The following PTPRA variants were observed in gnomAD, a reference collection of about 807,000 sequenced individuals.
PTPRA encodes receptor-type tyrosine-protein phosphatase alpha.
In PTPRA, 25 loss-of-function variants were observed where a neutral mutation model predicts 104.8. The ratio of observed to expected loss-of-function variants is 0.24; its 90% CI spans 0.17 to 0.33. The LOEUF (loss-of-function observed/expected upper bound fraction) is 0.33. Ranked by LOEUF, PTPRA falls within the 10% of genes least tolerant of loss-of-function variation. The pLI is 1.00. For missense variants in PTPRA, 765 were observed against 1,015.3 expected (o/e 0.75, Z 3.35); for synonymous variants, 323 against 368.9 (o/e 0.88, Z 1.43).
At chr20:3,013,724 A>G (rs551633805) in intron 11 of PTPRA, among the ~76,000 whole-genome samples, 2 of 152,130 alleles carry the variant, frequency 1.3e-5, no homozygotes, top group South Asian at 2.1e-4. Context: ...AATATATAGG[A>G]TCTTTAGACG....
chr20:2,981,482 G>A (rs1600208801), intron 6 of PTPRA, among the ~76,000 whole-genome samples: 2 of 152,070 alleles, frequency 1.3e-5, no homozygotes, highest in Admixed American at 1.3e-4. Flanking sequence ...TAGAGGCTAG[G>A]GATATTGTTA....
intron 1 of PTPRA, among the ~76,000 whole-genome samples, chr20:2,909,971 T>TA (rs2059588845): frequency 8.4e-6 from 1 of 119,502 alleles, no homozygotes; most frequent in African/African-American, 3.4e-5. Flanking sequence ...ATGATATATA[T>TA]ATAATCTATC....
chr20:3,001,093 G>C (rs543274706), intron 9 of PTPRA, among the ~76,000 whole-genome samples: 2 of 152,128 alleles, frequency 1.3e-5, no homozygotes, highest in African/African-American at 2.4e-5. Flanking sequence ...AACGGTCTTC[G>C]ATGCCACCTA....
intron 6 of PTPRA, among the ~76,000 whole-genome samples, chr20:2,977,844 T>C (rs1395753036): frequency 6.6e-6 from 1 of 151,984 alleles, no homozygotes; most frequent in Non-Finnish European, 1.5e-5. Context: ...GAAGGAAATA[T>C]GTGAACATCA....
At chr20:2,877,738 C>G (rs1196318630) in intron 1 of PTPRA, among the ~76,000 whole-genome samples, 1 of 152,140 alleles carries the variant, frequency 6.6e-6, no homozygotes, top group African/African-American at 2.4e-5. Flanking sequence ...AAATTCACAT[C>G]CATTTGTGTC....
intron 2 of PTPRA, among the ~76,000 whole-genome samples, chr20:2,924,455 C>T (rs867951324): frequency 1.3e-5 from 2 of 151,940 alleles, no homozygotes; most frequent in Admixed American, 6.6e-5. Flanking sequence ...GAATTTTATT[C>T]AGTAATAGAA....
upstream of PTPRA, chr20:2,873,362 G>A (rs6051454): frequency 1.3e-5 from 2 of 152,306 alleles, no homozygotes; most frequent in African/African-American, 2.4e-5. The surrounding 1 kb of genome is among the most constrained non-coding windows in gnomAD (Gnocchi z 4.4). Context: ...CAGCCGGCAA[G>A]TGAGCGCCCA....
rs747648686 is a variant in PTPRA, at chr20:2,988,400, C to A, written c.664C>A (p.Pro222Thr). ...PSTNRKYPPL[P>T]VDKLEEEINR... Reference sequence around the variant, plus strand: ...CACCAACAGGAAATACCCACCCCTGCCCGTGGACAAGCTGGAAGAGGAAAT... The same window carrying A: ...CACCAACAGGAAATACCCACCCCTGACCGTGGACAAGCTGGAAGAGGAAAT... The change falls in exon 9 of 24, where the codon CCC becomes ACC. Residue 222 changes from proline (P) to threonine (T), a missense_variant. Pro to Thr is a conservative substitution (Grantham distance 38). Coordinates refer to ENST00000399903, the MANE Select transcript of PTPRA (RefSeq NM_001385305.1). The A allele has an allele frequency of 6.2e-7, 1 of 1,613,096 alleles. No homozygotes were observed. Among genetic ancestry groups the A allele is most frequent in the South Asian group, 1.1e-5 (1 of 90,972 alleles).
At chr20:2,903,550 G>A (rs765017584) in intron 1 of PTPRA, among the ~76,000 whole-genome samples, 10 of 152,168 alleles carry the variant, frequency 6.6e-5, no homozygotes, top group South Asian at 4.1e-4. Context: ...AGTTGGGCGC[G>A]GTGGTTATAT....
At chr20:2,872,798 G>C (rs1328905454), upstream of PTPRA, among the ~76,000 whole-genome samples, 3 of 152,174 alleles carry the variant, frequency 2.0e-5, no homozygotes, top group African/African-American at 7.2e-5. This position sits in a 1 kb window ranked among gnomAD's most constrained non-coding sequence, Gnocchi z 7.9. Context: ...TGCGTTTTGA[G>C]CCTCCCCTCC....
At chr20:2,973,951 GAT>G (rs1491323785) in intron 5 of PTPRA, among the ~76,000 whole-genome samples, 1 of 144,794 alleles carries the variant, frequency 6.9e-6, no homozygotes, top group Non-Finnish European at 1.5e-5. Flanking sequence ...TTGTTTGTCT[GAT>G]TTTTTTTTTT....
intron 1 of PTPRA, among the ~76,000 whole-genome samples, chr20:2,897,457 G>A (rs954222641): frequency 2.9e-5 from 4 of 138,174 alleles, no homozygotes; most frequent in African/African-American, 8.4e-5. Context: ...GCGTGATCTC[G>A]TCTCACTGCA....
chr20:2,890,011 G>A (rs1261720373), intron 1 of PTPRA, among the ~76,000 whole-genome samples: 1 of 151,582 alleles, frequency 6.6e-6, no homozygotes, highest in Non-Finnish European at 1.5e-5. Context: ...AGCCTCCTGA[G>A]TAAGTAGCTG....
chr20:2,952,126 G>GA (rs202227784), intron 3 of PTPRA, among the ~76,000 whole-genome samples: 23,304 of 139,966 alleles, frequency 0.17, 2,181 homozygotes, highest in South Asian at 0.33. Context: ...CTCAAAAAAA[G>GA]AAAAAAAAAA....
At chr20:2,935,618 G>A (rs189886850) in intron 2 of PTPRA, among the ~76,000 whole-genome samples, 5 of 151,448 alleles carry the variant, frequency 3.3e-5, no homozygotes, top group Admixed American at 3.3e-4. Flanking sequence ...TGTCTCCAAG[G>A]CTGTAGCACA....
rs1394719936 is a variant in PTPRA at position 3,038,121 on chromosome 20, C to A, written c.2397C>A (p.Ala799=). 1 of 1,610,694 alleles carries A rather than the reference C, an allele frequency of 6.2e-7. No individual in the cohort carries two copies. The highest frequency in any genetic ancestry group is 1.3e-5 in the African/African-American group (1 of 74,812). Residue 799 remains alanine, a synonymous_variant, in exon 24 of 24, where the codon GCC becomes GCA. Coordinates refer to ENST00000399903, the MANE Select transcript of PTPRA (RefSeq NM_001385305.1). ...QEYIDAFSDY[A]NFK Reference sequence around the variant, plus strand: ...ATATTGATGCATTCTCAGATTATGCCAACTTCAAGTAAGCGGCAACAAGGG... The same window carrying A: ...ATATTGATGCATTCTCAGATTATGCAAACTTCAAGTAAGCGGCAACAAGGG...
chr20:2,916,240 A>G (rs182776936), intron 1 of PTPRA, among the ~76,000 whole-genome samples: 6 of 151,932 alleles, frequency 3.9e-5, no homozygotes, highest in East Asian at 1.9e-4. Context: ...GGGTTTCACT[A>G]TTATTGCCTA....
chr20:2,901,089 G>T (rs1352126377), intron 1 of PTPRA, among the ~76,000 whole-genome samples: 2 of 151,762 alleles, frequency 1.3e-5, no homozygotes, highest in Non-Finnish European at 2.9e-5. Flanking sequence ...TCCTGCCTCA[G>T]CCTCCAGAGT....
chr20:3,026,799 C>G lies in PTPRA; in HGVS notation c.1708+19C>G. 1.3e-6 allele frequency: 2 copies of G among 1,566,818 alleles called. No homozygotes were observed. Among genetic ancestry groups the G allele is most frequent in the Non-Finnish European group, 1.8e-6 (2 of 1,137,160 alleles). On this transcript the variant is annotated intron_variant, in intron 18 of 23. Coordinates refer to ENST00000399903, the MANE Select transcript of PTPRA (RefSeq NM_001385305.1). ...ATTCCATGTAAGAGCCCTCCCGCCA[C>G]TCCAAAGCCTTATTGCCCCATCCCT...
Sources: gnomAD v4.1 joint callset for allele counts (sites outside exome capture counted in the v4.1 genomes callset) on GRCh38, gnomAD v4.1.1 for gene constraint, Gnocchi (gnomAD v3.1) non-coding constraint, MANE v1.5 for transcripts, NCBI Gene and HGNC (gene_info 2026-07-23, HGNC 2026-07-21) for gene names.